The following PEMT variants were observed in gnomAD, a reference collection of about 807,000 sequenced individuals.
The protein encoded by PEMT is phospholipid methyltransferase.
In PEMT, 23 loss-of-function variants were observed where a neutral mutation model predicts 27.4. The ratio of observed to expected loss-of-function variants is 0.84; its 90% CI spans 0.60 to 1.19. PEMT has a LOEUF of 1.19. Among genes scored for constraint, PEMT ranks in the 50% most tolerant of loss-of-function variants. The pLI, the probability that PEMT is intolerant of heterozygous loss-of-function variation, is 0.00. For missense variants in PEMT, 307 were observed against 310.1 expected (o/e 0.99, Z 0.07); for synonymous variants, 137 against 139.1 (o/e 0.98, Z 0.11).
chr17:17,531,146 C>G (rs1379475729), intron 2 of PEMT, among the ~76,000 whole-genome samples: 2 of 151,986 alleles, frequency 1.3e-5, no homozygotes, highest in Admixed American at 6.6e-5. Flanking sequence ...CTAAAAATAA[C>G]CAGAGCTCCT....
rs1405838832 is a variant in PEMT, at chr17:17,513,634, C to T, written c.321-980G>A. On this transcript the variant is annotated intron_variant, in intron 3 of 6. Transcript: ENST00000255389. This position sits in a 1 kb window ranked among gnomAD's most constrained non-coding sequence, Gnocchi z 4.1. ...CAGTGGCGTGACCAAAAGGGGGTGA[C>T]TATGACAGCAGTGGGTCTAGAGGCT... Among the ~76,000 whole-genome samples, 1 of 152,070 alleles carries T rather than the reference C, an allele frequency of 6.6e-6. No homozygotes were observed. Among genetic ancestry groups the T allele is most frequent in the Non-Finnish European group, 1.5e-5 (1 of 68,006 alleles).
At chr17:17,559,525 C>G (rs964778420) in intron 2 of PEMT, among the ~76,000 whole-genome samples, 7 of 152,216 alleles carry the variant, frequency 4.6e-5, no homozygotes, top group African/African-American at 1.7e-4. Flanking sequence ...CAGAGGCAGT[C>G]CAGCACTGAG....
intron 2 of PEMT, among the ~76,000 whole-genome samples, chr17:17,528,340 C>T (rs1210861168): frequency 6.6e-6 from 1 of 152,218 alleles, no homozygotes; most frequent in African/African-American, 2.4e-5. Context: ...CTTGCGGCTC[C>T]GGCAAGATGT....
At position 17,512,576 on chromosome 17, in the gene PEMT, G is replaced by C; in HGVS notation, c.399C>G (p.Leu133=). The C allele has an allele frequency of 6.2e-7, 1 of 1,609,076 alleles. No homozygotes were observed. Among genetic ancestry groups the C allele is most frequent in the Non-Finnish European group, 8.5e-7 (1 of 1,177,728 alleles). Residue 133 remains leucine, a synonymous_variant, in exon 4 of 7, where the codon CTC becomes CTG. Coordinates refer to ENST00000255389, the MANE Select transcript of PEMT (RefSeq NM_148172.3). The surrounding 1 kb of genome is among the most constrained non-coding windows in gnomAD (Gnocchi z 6.3). ...GCACGAGCACGACGCCCAGTCCCAG[G>C]AGCGCGAGGCCCAGGCTGTAGGCCG... is the stretch of plus-strand genomic sequence containing the variant. ...TPAAYSLGLA[L]LGLGVVLVLS...
intron 2 of PEMT, among the ~76,000 whole-genome samples, chr17:17,548,236 G>A (rs1485651852): frequency 6.6e-6 from 1 of 152,264 alleles, no homozygotes; most frequent in Non-Finnish European, 1.5e-5. Context: ...CGTCCAGCCT[G>A]GCTCTAGGTG....
chr17:17,542,776 G>T (rs115296112), intron 2 of PEMT, among the ~76,000 whole-genome samples: 148 of 152,336 alleles, frequency 9.7e-4, no homozygotes, highest in African/African-American at 3.4e-3. Context: ...TCTCACAGAT[G>T]AGCAAACCCA....
intron 1 of PEMT, among the ~76,000 whole-genome samples, chr17:17,590,189 A>G (rs539306947): frequency 3.3e-5 from 5 of 152,294 alleles, no homozygotes; most frequent in African/African-American, 1.2e-4. Context: ...TAGGGGTAGG[A>G]CCCATCACTC....
At chr17:17,562,644 A>G (rs1433319181) in intron 2 of PEMT, among the ~76,000 whole-genome samples, 1 of 152,132 alleles carries the variant, frequency 6.6e-6, no homozygotes, top group Non-Finnish European at 1.5e-5. Flanking sequence ...CCTTGTCTCT[A>G]CTAAAATTGC....
chr17:17,564,631 A>T (rs1910703331), intron 2 of PEMT, among the ~76,000 whole-genome samples: 1 of 152,130 alleles, frequency 6.6e-6, no homozygotes, highest in African/African-American at 2.4e-5. Context: ...TGGAAACTCC[A>T]GCTAAGTCCC....
intron 1 of PEMT, among the ~76,000 whole-genome samples, chr17:17,590,657 G>A (rs1912541475): frequency 2.0e-5 from 3 of 152,256 alleles, no homozygotes; most frequent in Non-Finnish European, 4.4e-5. Context: ...AAATGCACAT[G>A]TGAGTAAGGA....
At position 17,538,067 on chromosome 17, in the gene PEMT, G is replaced by A. The variant is rs1348712892; in HGVS notation, c.205-15672C>T. Reference sequence around the variant, plus strand: ...ATGCCCGTCCTTGCTGTCTGAGGTGGTCTCTCCAACGCTGCAACAGGGGGC... The same window carrying A: ...ATGCCCGTCCTTGCTGTCTGAGGTGATCTCTCCAACGCTGCAACAGGGGGC... On this transcript the variant is annotated intron_variant, in intron 2 of 6. Coordinates refer to ENST00000255389, the MANE Select transcript of PEMT (RefSeq NM_148172.3). Among the ~76,000 whole-genome samples the A allele has an allele frequency of 3.3e-5, 5 of 152,364 alleles. No homozygotes were observed. The South Asian group carries it at 8.3e-4, about 25-fold the overall frequency.
chr17:17,553,459 C>A (rs1445702518), intron 2 of PEMT, among the ~76,000 whole-genome samples: 2 of 152,236 alleles, frequency 1.3e-5, no homozygotes, highest in Non-Finnish European at 2.9e-5. Context: ...CAGGCCCTTA[C>A]CAGCGGCCAC....
chr17:17,524,518 C>T (rs1193374926), intron 2 of PEMT, among the ~76,000 whole-genome samples: 2 of 151,466 alleles, frequency 1.3e-5, no homozygotes, highest in East Asian at 3.9e-4. Context: ...AATCCCAGCA[C>T]TTCGGGAGGC....
rs1910598545 is a variant in PEMT, at chr17:17,563,012, A to C, written c.204+13908T>G. 3.9e-5 allele frequency among the ~76,000 whole-genome samples: 6 copies of C among 152,116 alleles called. No homozygotes were observed. In the South Asian group the frequency reaches 1.2e-3, roughly 32 times the overall value. ...CATGCCTCTCAATTCAAAGGGAAGG[A>C]GGCCTCAAGTGGCTGCTGGTGACTC... On this transcript the variant is annotated intron_variant, in intron 2 of 6. Coordinates refer to ENST00000255389, the MANE Select transcript of PEMT (RefSeq NM_148172.3).
In PEMT at chr17:17,582,274, A is replaced by G. The variant is rs1912018638; in HGVS notation, c.97-5247T>C. ...AGGAAAGGAGCTACCCACCACGGCCAGGAGGTCTGCTGAGCTGCAGGAATA... is the reference window on the plus strand; with the variant it reads ...AGGAAAGGAGCTACCCACCACGGCCGGGAGGTCTGCTGAGCTGCAGGAATA... On this transcript the variant is annotated intron_variant, in intron 1 of 6. Coordinates refer to ENST00000255389, the MANE Select transcript of PEMT (RefSeq NM_148172.3). This position sits in a 1 kb window ranked among gnomAD's most constrained non-coding sequence, Gnocchi z 4.9. 2.0e-6 allele frequency: 2 copies of G among 985,442 alleles called. No homozygotes were observed. Among genetic ancestry groups the G allele is most frequent in the Non-Finnish European group, 2.4e-6 (2 of 830,014 alleles). The allele number at this position is 985,442 out of a possible 1,614,324, so 61.0% of individuals were successfully genotyped here.
intron 4 of PEMT, among the ~76,000 whole-genome samples, chr17:17,510,989 C>G (rs1250359464): frequency 6.6e-6 from 1 of 152,154 alleles, no homozygotes; most frequent in Non-Finnish European, 1.5e-5. Context: ...CTCCTGAGCC[C>G]CACCTCTGAT....
intron 2 of PEMT, among the ~76,000 whole-genome samples, chr17:17,527,653 C>G (rs1025735840): frequency 1.3e-5 from 2 of 152,238 alleles, no homozygotes; most frequent in Non-Finnish European, 2.9e-5. Context: ...CACATGGGCG[C>G]ATGGCGGTGC....
intron 3 of PEMT, among the ~76,000 whole-genome samples, chr17:17,517,637 C>A (rs1906939013): frequency 1.3e-5 from 2 of 152,242 alleles, no homozygotes; most frequent in Non-Finnish European, 2.9e-5. Context: ...GCCTCAGAAT[C>A]ATCAGGGAGT....
chr17:17,532,901 T>A (rs1296710955), intron 2 of PEMT, among the ~76,000 whole-genome samples: 1 of 152,096 alleles, frequency 6.6e-6, no homozygotes, highest in Non-Finnish European at 1.5e-5. Flanking sequence ...GTGGTGGGCA[T>A]ACGTAATCCC....
Sources: allele counts gnomAD v4.1 joint callset (sites outside exome capture counted in the v4.1 genomes callset), GRCh38; gene constraint gnomAD v4.1.1; non-coding constraint Gnocchi (gnomAD v3.1); transcripts MANE v1.5; gene names NCBI Gene and HGNC (gene_info 2026-07-23, HGNC 2026-07-21).